ATP6V1A: variants seen among roughly 807,000 people sequenced by gnomAD.
ATP6V1A encodes V-type proton ATPase catalytic subunit A.
A neutral mutation model predicts 70.1 loss-of-function variants in ATP6V1A; 18 were observed. The observed-to-expected ratio is 0.26, with a 90% CI of 0.18 to 0.38. The LOEUF (loss-of-function observed/expected upper bound fraction) is 0.38. ATP6V1A is among the 10% of genes least tolerant of loss of function. The pLI, the probability that ATP6V1A is intolerant of heterozygous loss-of-function variation, is 1.00. For missense variants in ATP6V1A, 424 were observed against 772.4 expected, an observed-to-expected ratio of 0.55 and a Z score of 5.35; for synonymous variants, 232 against 253.8, an observed-to-expected ratio of 0.91 and a Z score of 0.82.
chr3:113,770,328 G>A (rs1479917699), intron 1 of ATP6V1A, among the ~76,000 whole-genome samples: 2 of 152,098 alleles, frequency 1.3e-5, no homozygotes, highest in African/African-American at 4.8e-5. Flanking sequence ...GGGATTACAG[G>A]CATGAATTAT....
Position 113,809,349 on chromosome 3 carries a change from T to C in ATP6V1A, c.1776T>C (p.Asp592=). 2 of 1,613,410 alleles carry C rather than the reference T, an allele frequency of 1.2e-6. No homozygotes were observed. Among genetic ancestry groups the C allele is most frequent in the Non-Finnish European group, 1.7e-6 (2 of 1,179,596 alleles). The change falls in exon 15 of 15, where the codon GAT becomes GAC. Residue 592 remains aspartate, a synonymous_variant. Coordinates refer to ENST00000273398, the MANE Select transcript of ATP6V1A (RefSeq NM_001690.4). The stretch of plus-strand genomic sequence containing the variant: ...TCTTCTTTCAGGATCCACTGAAAGA[T>C]GGTGAGGCAAAGATCAAAAGCGACT... ...SSMKFKDPLK[D]GEAKIKSDYA...
intron 1 of ATP6V1A, among the ~76,000 whole-genome samples, chr3:113,768,996 G>A (rs1323890090): frequency 2.6e-5 from 4 of 152,206 alleles, no homozygotes; most frequent in Admixed American, 2.0e-4. Context: ...TATTTCCAAA[G>A]CAGTCGAGGG....
chr3:113,807,936 G>A (rs1400606226), intron 14 of ATP6V1A, among the ~76,000 whole-genome samples: 2 of 152,000 alleles, frequency 1.3e-5, no homozygotes, highest in Non-Finnish European at 1.5e-5. Flanking sequence ...TTCTAGACCA[G>A]CCTGACCAAC....
intron 12 of ATP6V1A, among the ~76,000 whole-genome samples, chr3:113,803,031 G>A (rs2108044047): frequency 6.6e-6 from 1 of 152,134 alleles, no homozygotes; most frequent in Non-Finnish European, 1.5e-5. Context: ...ATCTATGGAT[G>A]AATCCATAAA....
chr3:113,769,842 G>A lies in ATP6V1A; in HGVS notation c.-13-8899G>A, dbSNP rs545694173. Among the ~76,000 whole-genome samples the A allele has an allele frequency of 1.2e-4, 18 of 152,126 alleles. 1 individual carries two copies. The South Asian group carries it at 3.5e-3, about 30-fold the overall frequency. On this transcript the variant is annotated intron_variant, in intron 1 of 14. Transcript: ENST00000273398. ...AATCTTTCACAAATTGGGTAGGGAG[G>A]GGCACTGCTATAATTTGTAACCAAA...
At chr3:113,801,216 T>A (rs1709208296) in intron 12 of ATP6V1A, 1 of 87,850 alleles carries the variant, frequency 1.1e-5, no homozygotes, top group South Asian at 4.7e-4. Flanking sequence ...ATTTTAATTT[T>A]AAAAATACTT....
intron 1 of ATP6V1A, among the ~76,000 whole-genome samples, chr3:113,748,549 T>C (rs1477185785): frequency 1.3e-5 from 2 of 152,214 alleles, no homozygotes; most frequent in Non-Finnish European, 2.9e-5. Context: ...TGTGACTGAT[T>C]TATTTTTGTT....
chr3:113,758,746 C>A (rs1237032146), intron 1 of ATP6V1A, among the ~76,000 whole-genome samples: 1 of 152,194 alleles, frequency 6.6e-6, no homozygotes, highest in South Asian at 2.1e-4. Context: ...AAGAAACTGC[C>A]AAACTGTTTT....
chr3:113,781,610 T>C (rs1377422760), intron 3 of ATP6V1A, among the ~76,000 whole-genome samples: 3 of 152,188 alleles, frequency 2.0e-5, no homozygotes, highest in Non-Finnish European at 4.4e-5. Context: ...ATGCTGGTGT[T>C]GTGAAGAGAC....
chr3:113,778,164 TG>T (rs563166612), intron 1 of ATP6V1A, among the ~76,000 whole-genome samples: 1 of 151,706 alleles, frequency 6.6e-6, no homozygotes, highest in Non-Finnish European at 1.5e-5. Flanking sequence ...GAGGCTGAGG[TG>T]GGTGGATCAC....
intron 8 of ATP6V1A, among the ~76,000 whole-genome samples, chr3:113,790,302 CAAAAAAAAAAAAA>C (rs773821991): frequency 4.1e-5 from 1 of 24,508 alleles, no homozygotes; most frequent in Non-Finnish European, 8.6e-5. Context: ...GACTCTGTCT[CAAAAAAAAAAAAA>C]AAAAAAAAAA....
In ATP6V1A at chr3:113,794,772, C is replaced by T. The variant is rs1164266163; in HGVS notation, c.989-100C>T. 6.6e-6 allele frequency: 9 copies of T among 1,362,262 alleles called. No individual in the cohort carries two copies. In the Admixed American group the frequency reaches 6.9e-5, roughly 10 times the overall value. 84.4% of individuals were successfully genotyped at this position (1,362,262 alleles called of 1,614,324 possible). A position where few individuals can be genotyped will look rare whatever the true frequency, so the allele number is the denominator to read the frequency against. ...CTTTGAGGGAGCCACTAGCAGTCTACGTTGTGTACTTATTGCTTTAAGGTT... is the reference window on the plus strand; with the variant it reads ...CTTTGAGGGAGCCACTAGCAGTCTATGTTGTGTACTTATTGCTTTAAGGTT... On this transcript the variant is annotated intron_variant, in intron 8 of 14. Coordinates refer to ENST00000273398, the MANE Select transcript of ATP6V1A (RefSeq NM_001690.4).
At chr3:113,778,987 A>G (rs961696326) in intron 2 of ATP6V1A, 152 bp downstream of exon 2, 2 of 457,622 alleles carry the variant, frequency 4.4e-6, no homozygotes, top group Non-Finnish European at 7.7e-6. Flanking sequence ...AGACCGAAGT[A>G]GAATCTCTGT....
chr3:113,784,877 T>TATATG, intron 5 of ATP6V1A, 44 bp downstream of exon 5: 1 of 1,587,810 alleles, frequency 6.3e-7, no homozygotes, highest in Non-Finnish European at 8.6e-7. Flanking sequence ...CCTCTATTTC[T>TATATG]ATATGATAGC....
At chr3:113,804,021 A>G (rs987930224) in intron 13 of ATP6V1A, among the ~76,000 whole-genome samples, 4 of 152,180 alleles carry the variant, frequency 2.6e-5, no homozygotes, top group Non-Finnish European at 4.4e-5. Context: ...GTTTTGAGAC[A>G]GGGTCTCACT....
intron 1 of ATP6V1A, among the ~76,000 whole-genome samples, chr3:113,767,255 C>T (rs1329865554): frequency 6.6e-6 from 1 of 152,002 alleles, no homozygotes; most frequent in Non-Finnish European, 1.5e-5. Flanking sequence ...CCATGCCCGG[C>T]TAATTTTGGT....
rs575670766 is a variant in ATP6V1A, at chr3:113,748,819, C to G, written c.-14+1706C>G. Reference sequence around the variant, plus strand: ...CTTACGACCCATACTGGACAATAGACTAATGTATTGATATATTTATGTCAT... The same window carrying G: ...CTTACGACCCATACTGGACAATAGAGTAATGTATTGATATATTTATGTCAT... On this transcript the variant is annotated intron_variant, in intron 1 of 14. Coordinates refer to ENST00000273398, the MANE Select transcript of ATP6V1A (RefSeq NM_001690.4). Among the ~76,000 whole-genome samples the G allele has an allele frequency of 5.3e-5, 8 of 152,236 alleles. 1 individual carries two copies. In the Middle Eastern group the frequency reaches 0.02, roughly 388 times the overall value.
intron 1 of ATP6V1A, among the ~76,000 whole-genome samples, chr3:113,764,573 CTTTCT>C (rs1239899433): frequency 6.6e-6 from 1 of 152,024 alleles, no homozygotes; most frequent in Non-Finnish European, 1.5e-5. Context: ...GTAACAAATG[CTTTCT>C]TTTCTATTTA....
chr3:113,789,615 C>T, intron 7 of ATP6V1A, 117 bp from the exon 8 acceptor site: 1 of 650,438 alleles, frequency 1.5e-6, no homozygotes, highest in Non-Finnish European at 2.6e-6. Flanking sequence ...ACTTTAGGAA[C>T]ACTGATTGTA....
Sources: gnomAD v4.1 joint callset for allele counts (sites outside exome capture counted in the v4.1 genomes callset) on GRCh38, gnomAD v4.1.1 for gene constraint, MANE v1.5 for transcripts, NCBI Gene and HGNC (gene_info 2026-07-23, HGNC 2026-07-21) for gene names.